Variants in TCF12 observed in about 807,000 individuals in gnomAD.
TCF12 encodes the protein transcription factor 12.
In TCF12, 45 loss-of-function variants were observed where a neutral mutation model predicts 86.0. The observed-to-expected ratio is 0.52, with a 90% CI of 0.41 to 0.67. The LOEUF (loss-of-function observed/expected upper bound fraction) is 0.67. Ranked by LOEUF, TCF12 falls within the 30% of genes least tolerant of loss-of-function variation. The pLI, the probability that TCF12 is intolerant of heterozygous loss-of-function variation, is 0.00. For synonymous variants in TCF12, 330 were observed against 299.6 expected, an observed-to-expected ratio of 1.10 and a Z score of -1.05; for missense variants, 881 against 859.9, an observed-to-expected ratio of 1.02 and a Z score of -0.31.
intron 3 of TCF12, among the ~76,000 whole-genome samples, chr15:56,977,916 G>C (rs182570013): frequency 1.7e-4 from 26 of 152,202 alleles, no homozygotes; most frequent in Admixed American, 5.2e-4. Context: ...AGATAGGGCA[G>C]ACAGAATTTG....
intron 12 of TCF12, among the ~76,000 whole-genome samples, chr15:57,240,334 GT>G (rs1467174324): frequency 2.0e-5 from 3 of 152,152 alleles, no homozygotes; most frequent in African/African-American, 7.2e-5. Flanking sequence ...TAGAAATACA[GT>G]GTAAGCACTA....
downstream of TCF12, chr15:57,289,939 A>C (rs545382565): frequency 2.5e-4 from 38 of 152,186 alleles, no homozygotes; most frequent in African/African-American, 8.7e-4. Context: ...TCTTTGTAGG[A>C]GTCTACATTC....
chr15:57,013,585 T>C (rs1294062620), intron 3 of TCF12, among the ~76,000 whole-genome samples: 6 of 152,144 alleles, frequency 3.9e-5, no homozygotes, highest in Non-Finnish European at 8.8e-5. Context: ...TCTGCCAAAG[T>C]GTTGGGATTA....
rs2062031699 is a variant in TCF12, at chr15:57,289,396, C to A, written c.*3251C>A. On this transcript the variant is annotated 3_prime_UTR_variant, in exon 21 of 21. Coordinates refer to ENST00000333725, the MANE Select transcript of TCF12 (RefSeq NM_207037.2). ...AAACTGAGACTCAGATTGTATGTCT[C>A]TAAGAACACATAATTAGTAACAGAT... is the stretch of plus-strand genomic sequence containing the variant. 6.6e-6 allele frequency: 1 copy of A among 152,054 alleles called. No homozygotes were observed. The highest frequency in any genetic ancestry group is 1.5e-5 in the Non-Finnish European group (1 of 68,008). The allele number at this position is 152,054 out of a possible 1,614,324, so 9.4% of individuals were successfully genotyped here.
intron 6 of TCF12, among the ~76,000 whole-genome samples, chr15:57,191,569 A>G (rs750082875): frequency 3.4e-4 from 52 of 152,244 alleles, no homozygotes; most frequent in Non-Finnish European, 5.0e-4. Flanking sequence ...ATTGATGATT[A>G]AAAAGTGTGA....
chr15:57,152,183 G>C (rs2053809563), intron 5 of TCF12, among the ~76,000 whole-genome samples: 1 of 152,160 alleles, frequency 6.6e-6, no homozygotes, highest in Admixed American at 6.5e-5. Context: ...TCCTTATATG[G>C]AAAGAGGCAT....
At chr15:57,006,217 T>C (rs548450497) in intron 3 of TCF12, among the ~76,000 whole-genome samples, 2 of 152,326 alleles carry the variant, frequency 1.3e-5, no homozygotes, top group South Asian at 4.1e-4. Context: ...TAAAATTCCA[T>C]GTTGAGATTA....
At chr15:56,919,747 C>A (rs1595675072) in intron 1 of TCF12, 145 bp from the exon 2 acceptor site, 1 of 641,104 alleles carries the variant, frequency 1.6e-6, no homozygotes, top group Non-Finnish European at 2.6e-6. Context: ...CCCTTGCTCG[C>A]GCCGCGGTGG....
intron 16 of TCF12, among the ~76,000 whole-genome samples, chr15:57,256,139 T>G (rs2060336513): frequency 1.3e-5 from 2 of 152,234 alleles, no homozygotes; most frequent in Admixed American, 1.3e-4. Context: ...TCATCTCCTG[T>G]CCTTCTGAAG....
chr15:57,142,249 A>C (rs777868074), intron 5 of TCF12, among the ~76,000 whole-genome samples: 3 of 152,100 alleles, frequency 2.0e-5, no homozygotes, highest in African/African-American at 7.2e-5. Context: ...CAAAACCAGA[A>C]TGAATCCTGT....
chr15:57,174,088 T>C lies in TCF12; in HGVS notation c.390+7622T>C, dbSNP rs143348596. Among the ~76,000 whole-genome samples the C allele has an allele frequency of 1.8e-4, 27 of 152,352 alleles. 1 individual carries two copies. Among genetic ancestry groups the C allele is most frequent in the African/African-American group, 6.5e-4 (27 of 41,580 alleles). On this transcript the variant is annotated intron_variant, in intron 6 of 20. Transcript: ENST00000333725. Reference sequence around the variant, plus strand: ...AAGGGTCATATGGCTTCTTTCAAAATGATTAATTCTTTCAAATGCTTAGGA... The same window carrying C: ...AAGGGTCATATGGCTTCTTTCAAAACGATTAATTCTTTCAAATGCTTAGGA...
chr15:57,014,936 A>T (rs993920568), intron 3 of TCF12, among the ~76,000 whole-genome samples: 62 of 150,736 alleles, frequency 4.1e-4, no homozygotes, highest in Admixed American at 2.1e-3. Context: ...TTTCTTTTGC[A>T]GTGACTCTTC....
chr15:57,250,789 G>A (rs1376065719), intron 13 of TCF12, among the ~76,000 whole-genome samples: 1 of 151,388 alleles, frequency 6.6e-6, no homozygotes, highest in African/African-American at 2.4e-5. Flanking sequence ...CCAGCTACTC[G>A]GGAGGCAGAG....
intron 7 of TCF12, 137 bp downstream of exon 7, chr15:57,192,430 C>A: frequency 8.1e-7 from 1 of 1,240,354 alleles, no homozygotes; most frequent in Non-Finnish European, 1.1e-6. Flanking sequence ...ACTCTGTTAC[C>A]CATGCAGGAA....
chr15:57,242,807 T>A (rs2059692703), intron 12 of TCF12, among the ~76,000 whole-genome samples: 3 of 152,354 alleles, frequency 2.0e-5, no homozygotes, highest in Admixed American at 1.3e-4. Context: ...CGATAATTTA[T>A]CCTTTTCAAA....
chr15:57,081,087 T>C (rs1351112622), intron 4 of TCF12, among the ~76,000 whole-genome samples: 1 of 152,242 alleles, frequency 6.6e-6, no homozygotes, highest in Non-Finnish European at 1.5e-5. Flanking sequence ...AAAGCTCTTA[T>C]GACTGTCTCC....
chr15:57,013,669 A>G (rs1217907695), intron 3 of TCF12, among the ~76,000 whole-genome samples: 1 of 152,210 alleles, frequency 6.6e-6, no homozygotes, highest in East Asian at 1.9e-4. Flanking sequence ...TCCGAGCCTG[A>G]AACAGTGAAG....
At chr15:57,051,222 C>T (rs937430070) in intron 3 of TCF12, among the ~76,000 whole-genome samples, 6 of 152,158 alleles carry the variant, frequency 3.9e-5, no homozygotes, top group African/African-American at 1.4e-4. Flanking sequence ...CCAAGCCTTT[C>T]TAGTTAGTCT....
chr15:57,235,989 C>T (rs1338668037), intron 12 of TCF12, among the ~76,000 whole-genome samples: 8 of 152,090 alleles, frequency 5.3e-5, no homozygotes, highest in East Asian at 1.9e-4. Context: ...CCAAATTCAC[C>T]GTGAATGGAA....
Sources: gnomAD v4.1 joint callset for allele counts (sites outside exome capture counted in the v4.1 genomes callset) on GRCh38, gnomAD v4.1.1 for gene constraint, MANE v1.5 for transcripts, NCBI Gene and HGNC (gene_info 2026-07-23, HGNC 2026-07-21) for gene names.